The following VPS13B variants were observed in gnomAD, a reference collection of about 807,000 sequenced individuals.
The protein encoded by VPS13B is intermembrane lipid transfer protein VPS13B.
A neutral mutation model predicts 426.4 loss-of-function variants in VPS13B; 285 were observed. That is an observed-to-expected ratio of 0.67 (90% CI 0.61 to 0.74). The LOEUF (loss-of-function observed/expected upper bound fraction) is 0.74, where lower values mean the gene tolerates loss of function less well. Among genes scored for constraint, VPS13B ranks in the 30% least tolerant of loss-of-function variants. VPS13B has a pLI of 0.00. For synonymous variants in VPS13B, 1,676 were observed against 1,676.4 expected, an observed-to-expected ratio of 1.00 and a Z score of 0.01; for missense variants, 4,537 against 4,782.6, an observed-to-expected ratio of 0.95 and a Z score of 1.51.
chr8:99,687,227 A>G lies in VPS13B; in HGVS notation c.6047-12298A>G, dbSNP rs185024016. ...CTTATCCTGCTGTGGCTGAGCTGGT[A>G]TCCAAGCTGCAAGACAAAGTCCCCT... On this transcript the variant is annotated intron_variant, in intron 35 of 61. Transcript: ENST00000357162. Among the ~76,000 whole-genome samples the G allele has an allele frequency of 3.9e-3, 589 of 151,998 alleles. 18 individuals are homozygous for G. The highest frequency in any genetic ancestry group is 0.014 in the African/African-American group (564 of 41,360).
intron 3 of VPS13B, among the ~76,000 whole-genome samples, chr8:99,064,805 G>A (rs1384157791): frequency 6.6e-6 from 1 of 152,160 alleles, no homozygotes; most frequent in Non-Finnish European, 1.5e-5. Flanking sequence ...ACACATAATT[G>A]TCAGATTCAC....
At chr8:99,565,356 C>T (rs1361207436) in intron 31 of VPS13B, among the ~76,000 whole-genome samples, 1 of 140,306 alleles carries the variant, frequency 7.1e-6, no homozygotes, top group Non-Finnish European at 1.5e-5. Flanking sequence ...ACATGTAATA[C>T]TCTGTGGGCT....
intron 40 of VPS13B, among the ~76,000 whole-genome samples, chr8:99,771,925 G>C (rs1811511247): frequency 1.3e-5 from 2 of 152,152 alleles, no homozygotes; most frequent in Admixed American, 6.5e-5. Flanking sequence ...CTTCCCTAAG[G>C]CTAAAGCTGA....
At chr8:99,647,242 A>T (rs1829614053) in intron 34 of VPS13B, among the ~76,000 whole-genome samples, 1 of 152,206 alleles carries the variant, frequency 6.6e-6, no homozygotes, top group Non-Finnish European at 1.5e-5. Flanking sequence ...AATCATATAA[A>T]AAAAGGATTT....
At chr8:99,501,962 T>TGTCTGTCTGTCTTTCC in intron 26 of VPS13B, 104 bp downstream of exon 26, 1 of 1,262,000 alleles carries the variant, frequency 7.9e-7, no homozygotes, top group Non-Finnish European at 1.1e-6. Flanking sequence ...TCTGTCTGTC[T>TGTCTGTCTGTCTTTCC]GTCTGTCTGT....
intron 54 of VPS13B, among the ~76,000 whole-genome samples, chr8:99,845,949 G>A (rs2130894488): frequency 6.6e-6 from 1 of 152,300 alleles, no homozygotes; most frequent in Middle Eastern, 3.4e-3. Context: ...TCTCTAGAAG[G>A]AATACATGTC....
intron 24 of VPS13B, among the ~76,000 whole-genome samples, chr8:99,478,785 T>C (rs2133549266): frequency 6.6e-6 from 1 of 151,472 alleles, no homozygotes; most frequent in African/African-American, 2.4e-5. Flanking sequence ...TTAAACGAAA[T>C]TAAACTGGAC....
At chr8:99,173,165 T>G (rs755022888) in intron 16 of VPS13B, among the ~76,000 whole-genome samples, 1 of 152,154 alleles carries the variant, frequency 6.6e-6, no homozygotes, top group Non-Finnish European at 1.5e-5. Flanking sequence ...ATTGAACAGA[T>G]CATTTGCAGG....
intron 21 of VPS13B, among the ~76,000 whole-genome samples, chr8:99,431,224 T>G (rs192049871): frequency 2.6e-5 from 4 of 152,348 alleles, no homozygotes; most frequent in African/African-American, 9.6e-5. Flanking sequence ...GCTTAATGAA[T>G]TCTTACAAAG....
intron 8 of VPS13B, among the ~76,000 whole-genome samples, chr8:99,128,386 CAAAAAAAAAAAAAAAA>C (rs71273165): frequency 1.2e-3 from 40 of 34,222 alleles, no homozygotes; most frequent in South Asian, 6.1e-3. Context: ...GATACTGTCC[CAAAAAAAAAAAAAAAA>C]AAAAAAAAAA....
In VPS13B at chr8:99,824,134, A is replaced by G. The variant is rs2290153; in HGVS notation, c.9330+156A>G. Among the ~76,000 whole-genome samples the G allele has an allele frequency of 4.8e-3, 730 of 152,330 alleles. 18 individuals carry two copies. In the East Asian group the frequency reaches 0.067, roughly 14 times the overall value. On this transcript the variant is annotated intron_variant, in intron 51 of 61. Coordinates refer to ENST00000357162, the MANE Select transcript of VPS13B (RefSeq NM_152564.5). The stretch of plus-strand genomic sequence containing the variant: ...TGTTGTAATTAAAACCATGAATGTC[A>G]TGGTCACTGCTTCCAAGGTAATTAA...
chr8:99,460,663 G>C (rs1818775130), intron 23 of VPS13B, among the ~76,000 whole-genome samples: 1 of 152,172 alleles, frequency 6.6e-6, no homozygotes, highest in Non-Finnish European at 1.5e-5. Flanking sequence ...GTTTACGAGA[G>C]AACATCTTTG....
At chr8:99,559,268 G>T (rs977127337) in intron 31 of VPS13B, among the ~76,000 whole-genome samples, 1 of 152,066 alleles carries the variant, frequency 6.6e-6, no homozygotes, top group African/African-American at 2.4e-5. Flanking sequence ...ATTTTTTGTT[G>T]TAAATTTGTT....
intron 33 of VPS13B, among the ~76,000 whole-genome samples, chr8:99,605,843 T>C (rs1255087542): frequency 6.6e-6 from 1 of 152,208 alleles, no homozygotes; most frequent in Non-Finnish European, 1.5e-5. Context: ...GGTCATAAAA[T>C]GGCCTGTGCA....
At position 99,428,268 on chromosome 8, in the gene VPS13B, G is replaced by A. The variant is rs201345805; in HGVS notation, c.3083-3269G>A. 5.3e-4 allele frequency among the ~76,000 whole-genome samples: 80 copies of A among 152,222 alleles called. No homozygotes were observed. In the East Asian group the frequency reaches 8.7e-3, roughly 17 times the overall value. On this transcript the variant is annotated intron_variant, in intron 21 of 61. Transcript: ENST00000357162. The stretch of plus-strand genomic sequence containing the variant: ...TAAAACACCAAAAGCAATGGCAACA[G>A]AAGCCAAAAGTGACAAATGGGATCT...
At chr8:99,135,840 C>A in intron 11 of VPS13B, 107 bp downstream of exon 11, 1 of 1,450,016 alleles carries the variant, frequency 6.9e-7, no homozygotes, top group Non-Finnish European at 9.5e-7. Flanking sequence ...CTTCTGAATG[C>A]TAATTGTTTA....
At chr8:99,132,264 A>C (rs766443327) in intron 8 of VPS13B, among the ~76,000 whole-genome samples, 9 of 152,160 alleles carry the variant, frequency 5.9e-5, no homozygotes, top group Non-Finnish European at 8.8e-5. Context: ...TTATCGACTA[A>C]ATATACAGAA....
chr8:99,512,879 C>T (rs536345583), intron 29 of VPS13B, among the ~76,000 whole-genome samples: 17 of 151,800 alleles, frequency 1.1e-4, no homozygotes, highest in East Asian at 1.9e-4. Flanking sequence ...CGTGGTGGCA[C>T]GTGCCTGTAA....
chr8:99,214,969 C>G (rs72672324), intron 17 of VPS13B, among the ~76,000 whole-genome samples: 4,468 of 152,190 alleles, frequency 0.029, 97 homozygotes, highest in South Asian at 0.064. Context: ...GCCCATGTCT[C>G]TCTATTTAAT....
Sources: allele counts gnomAD v4.1 joint callset (sites outside exome capture counted in the v4.1 genomes callset), GRCh38; gene constraint gnomAD v4.1.1; transcripts MANE v1.5; gene names NCBI Gene and HGNC (gene_info 2026-07-23, HGNC 2026-07-21).